The following TOPBP1 variants were observed in gnomAD, a reference collection of about 807,000 sequenced individuals.
The protein encoded by TOPBP1 is DNA topoisomerase II binding protein 1, also known as DNA topoisomerase 2-binding protein 1.
In TOPBP1, 28 loss-of-function variants were observed where a neutral mutation model predicts 167.7. The observed-to-expected ratio is 0.17, with a 90% CI of 0.12 to 0.23. The LOEUF (loss-of-function observed/expected upper bound fraction) is 0.23. TOPBP1 is among the 10% of genes least tolerant of loss of function. The pLI, the probability that TOPBP1 is intolerant of heterozygous loss-of-function variation, is 1.00. For missense variants in TOPBP1, 1,554 were observed against 1,809.6 expected, an observed-to-expected ratio of 0.86 and a Z score of 2.56; for synonymous variants, 598 against 611.4, an observed-to-expected ratio of 0.98 and a Z score of 0.32.
At chr3:133,616,988 TTA>T (rs1934914914) in intron 22 of TOPBP1, 63 bp from the exon 23 acceptor site, 1 of 1,267,960 alleles carries the variant, frequency 7.9e-7, no homozygotes, top group Non-Finnish European at 1.1e-6. Context: ...CACAGTTCTT[TTA>T]TAGTGGTATT....
rs1434920081 is a variant in TOPBP1, at chr3:133,628,444, C to T, written c.2722G>A (p.Val908Ile). The change falls in exon 16 of 28, where the codon GTA becomes ATA. Residue 908 changes from valine (V) to isoleucine (I), a missense_variant. This residue lies in a region of TOPBP1 where 1,197 missense variants were observed against 1,351.5 expected (regional missense o/e 0.89). Transcript: ENST00000260810. ...KEEAPKPLHK[V>I]VVCVSKKLSK... Reference sequence around the variant, plus strand: ...AGTTTTTTACTAACACATACCACTACTTTGTGAAGTGGCTTTGGGGCTTCT... The same window carrying T: ...AGTTTTTTACTAACACATACCACTATTTTGTGAAGTGGCTTTGGGGCTTCT... The T allele has an allele frequency of 1.2e-6, 2 of 1,611,244 alleles. No individual in the cohort carries two copies. Among genetic ancestry groups the T allele is most frequent in the Middle Eastern group, 1.6e-4 (1 of 6,076 alleles).
At chr3:133,660,454 T>C (rs773089449) in intron 2 of TOPBP1, among the ~76,000 whole-genome samples, 7 of 152,212 alleles carry the variant, frequency 4.6e-5, no homozygotes, top group Non-Finnish European at 8.8e-5. Context: ...CTTCAATAAA[T>C]ACTTGCTGAA....
rs572384398 is a variant in TOPBP1, at chr3:133,661,018, G to A, written c.84+26C>T. The A allele has an allele frequency of 2.1e-4, 314 of 1,487,234 alleles. 1 individual carries two copies. The South Asian group carries it at 3.7e-3, about 18-fold the overall frequency. 92.1% of individuals were successfully genotyped at this position (1,487,234 alleles called of 1,614,324 possible). On this transcript the variant is annotated intron_variant, in intron 2 of 27. Transcript: ENST00000260810. Reference sequence around the variant, plus strand: ...CTTAAAAACAAGAAAATGAATTCACGGTATTAAGATGTTTTCAACTCTTAC... The same window carrying A: ...CTTAAAAACAAGAAAATGAATTCACAGTATTAAGATGTTTTCAACTCTTAC...
intron 14 of TOPBP1, among the ~76,000 whole-genome samples, chr3:133,631,200 C>T (rs1935463200): frequency 6.6e-6 from 1 of 152,130 alleles, no homozygotes; most frequent in Admixed American, 6.6e-5. Context: ...AGAAAAACCC[C>T]AAAAGTTGAT....
intron 2 of TOPBP1, among the ~76,000 whole-genome samples, chr3:133,660,418 G>C (rs1353834578): frequency 6.6e-6 from 1 of 152,158 alleles, no homozygotes; most frequent in Non-Finnish European, 1.5e-5. Flanking sequence ...CCAAGTACTA[G>C]AGAAGTGCCT....
At chr3:133,660,139 C>T (rs1428409992) in intron 2 of TOPBP1, among the ~76,000 whole-genome samples, 1 of 152,170 alleles carries the variant, frequency 6.6e-6, no homozygotes, top group Non-Finnish European at 1.5e-5. Context: ...CTGCCTGCAA[C>T]ATTCTTCTCC....
intron 27 of TOPBP1, among the ~76,000 whole-genome samples, chr3:133,602,103 T>C (rs947827439): frequency 4.0e-5 from 6 of 151,838 alleles, no homozygotes; most frequent in African/African-American, 1.5e-4. Flanking sequence ...GAACCTAGAG[T>C]TTCTTTTTTA....
Position 133,620,676 on chromosome 3 carries a change from A to G in TOPBP1, c.3179-329T>C, listed in dbSNP as rs558574710. Among the ~76,000 whole-genome samples the G allele has an allele frequency of 6.2e-4, 94 of 151,296 alleles. No individual in the cohort carries two copies. The East Asian group carries it at 0.018, about 29-fold the overall frequency. ...CAACCTCCACCTCCCAGGTTCAAGC[A>G]ATTCTCCCTGCCTCAGCCTCTCAAG... is the stretch of plus-strand genomic sequence containing the variant. On this transcript the variant is annotated intron_variant, in intron 19 of 27. Transcript: ENST00000260810.
chr3:133,620,401 T>C (rs1935045949), intron 19 of TOPBP1, 54 bp from the exon 20 acceptor site: 4 of 1,553,092 alleles, frequency 2.6e-6, no homozygotes, highest in Non-Finnish European at 3.5e-6. Context: ...TTTTACCATA[T>C]CTTACATTAA....
At chr3:133,648,342 G>C (rs1224210774) in intron 10 of TOPBP1, among the ~76,000 whole-genome samples, 19 of 152,178 alleles carry the variant, frequency 1.2e-4, no homozygotes, top group Admixed American at 1.2e-3. Flanking sequence ...GGAGAGCAAA[G>C]AAACAGTTAA....
chr3:133,601,497 G>T, intron 27 of TOPBP1, 104 bp from the exon 28 acceptor site: 1 of 948,448 alleles, frequency 1.1e-6, no homozygotes, highest in Non-Finnish European at 1.5e-6. Context: ...GGATGAATCT[G>T]ACAAACTTAA....
rs561099781 is a variant in TOPBP1, at chr3:133,646,651, C to CAA, written c.1505-2290_1505-2289dup. ...CAGTGATGGAGTGAGACCCTGTCTC[C>CAA]AAAAAAAAAAAAAAAAATCACTTTC... On this transcript the variant is annotated intron_variant, in intron 10 of 27. Coordinates refer to ENST00000260810, the MANE Select transcript of TOPBP1 (RefSeq NM_007027.4). 1.0e-3 allele frequency among the ~76,000 whole-genome samples: 104 copies of CAA among 100,300 alleles called. 1 individual carries two copies. The highest frequency in any genetic ancestry group is 1.9e-3 in the South Asian group (6 of 3,172). 65.8% of individuals were successfully genotyped at this position (100,300 alleles called of 152,430 possible). A position where few individuals can be genotyped will look rare whatever the true frequency, so the allele number is the denominator to read the frequency against.
At chr3:133,653,629 A>ATTTT in intron 6 of TOPBP1, 105 bp from the exon 7 acceptor site, 4 of 772,940 alleles carry the variant, frequency 5.2e-6, no homozygotes, top group Non-Finnish European at 5.4e-6. Context: ...ACAGGTTAAT[A>ATTTT]TTTTTTTTTT....
rs886684511 is a variant in TOPBP1, at chr3:133,619,581, C to G, written c.3371+574G>C. ...GGAGAATACAAAATGCATGCAAAATCCCAACAAAAATAACTTTAAGATTTT... is the reference window on the plus strand; with the variant it reads ...GGAGAATACAAAATGCATGCAAAATGCCAACAAAAATAACTTTAAGATTTT... On this transcript the variant is annotated intron_variant, in intron 20 of 27. Transcript: ENST00000260810. 2.6e-5 allele frequency among the ~76,000 whole-genome samples: 4 copies of G among 152,016 alleles called. No individual in the cohort carries two copies. The South Asian group carries it at 8.3e-4, about 31-fold the overall frequency.
chr3:133,607,980 T>C (rs1934545576), intron 27 of TOPBP1, among the ~76,000 whole-genome samples: 1 of 152,214 alleles, frequency 6.6e-6, no homozygotes. Flanking sequence ...TAGATTATGA[T>C]TATGAAATCT....
At chr3:133,655,602 T>C (rs1936454155) in intron 5 of TOPBP1, 116 bp from the exon 6 acceptor site, 2 of 566,500 alleles carry the variant, frequency 3.5e-6, no homozygotes, top group East Asian at 3.4e-5. Flanking sequence ...ATCTTTTTTT[T>C]ACAAAGGAGA....
chr3:133,616,340 T>C (rs1415403352), intron 23 of TOPBP1, among the ~76,000 whole-genome samples: 1 of 152,144 alleles, frequency 6.6e-6, no homozygotes, highest in Non-Finnish European at 1.5e-5. Flanking sequence ...CAGCCTAGTC[T>C]TAAACTCCTG....
Position 133,615,259 on chromosome 3 carries a change from C to G in TOPBP1, c.3871+1555G>C, listed in dbSNP as rs142424107. Among the ~76,000 whole-genome samples, 38 of 152,186 alleles carry G rather than the reference C, an allele frequency of 2.5e-4. No individual in the cohort carries two copies. The East Asian group carries it at 6.2e-3, about 25-fold the overall frequency. ...CCAAGGTAGGTGGATCATCTGAGGT[C>G]AGCAGTTCGAGACCAGCCTGGCCAA... On this transcript the variant is annotated intron_variant, in intron 23 of 27. Transcript: ENST00000260810.
At position 133,637,880 on chromosome 3, in the gene TOPBP1, A is replaced by G; in HGVS notation, c.2516T>C (p.Val839Ala). 1 of 1,613,492 alleles carries G rather than the reference A, an allele frequency of 6.2e-7. No individual in the cohort carries two copies. Among genetic ancestry groups the G allele is most frequent in the Non-Finnish European group, 8.5e-7 (1 of 1,179,550 alleles). Residue 839 changes from valine to alanine, a missense_variant, in exon 14 of 28, where the codon GTG (valine) becomes GCG (alanine). This residue lies in a region of TOPBP1 where 1,197 missense variants were observed against 1,351.5 expected (regional missense o/e 0.89). Transcript: ENST00000260810. ...ACCACTGCCTATAAACCTTACCTTC[A>G]CATCAAAGGAAGGCTTGAAGAGTTT... ...KDKLFKPSFD[V>A]KDALAALETP...
Sources: gnomAD v4.1 joint callset for allele counts (sites outside exome capture counted in the v4.1 genomes callset) on GRCh38, gnomAD v4.1.1 for gene constraint, gnomAD v4.1.1 regional missense constraint, MANE v1.5 for transcripts, NCBI Gene and HGNC (gene_info 2026-07-23, HGNC 2026-07-21) for gene names.